RABEP1: variants seen among roughly 807,000 people sequenced by gnomAD.
The protein encoded by RABEP1 is rabaptin, RAB GTPase binding effector protein 1.
RABEP1 carries 51 observed loss-of-function variants against 123.4 expected under a neutral mutation model. That is an observed-to-expected ratio of 0.41 (90% CI 0.33 to 0.52). The LOEUF (loss-of-function observed/expected upper bound fraction) is 0.52. Ranked by LOEUF, RABEP1 falls within the 20% of genes least tolerant of loss-of-function variation. RABEP1 has a pLI of 0.16. For missense variants in RABEP1, 888 were observed against 996.3 expected (o/e 0.89, Z 1.46); for synonymous variants, 347 against 355.2 (o/e 0.98, Z 0.26).
intron 9 of RABEP1, among the ~76,000 whole-genome samples, 187 bp from the exon 10 acceptor site, chr17:5,362,725 A>G (rs751342423): frequency 2.6e-5 from 4 of 152,130 alleles, no homozygotes; most frequent in Non-Finnish European, 4.4e-5. Context: ...GTGTCCTATC[A>G]TACTTGTACT....
At chr17:5,310,438 G>T (rs1236947243) in intron 2 of RABEP1, among the ~76,000 whole-genome samples, 1 of 150,966 alleles carries the variant, frequency 6.6e-6, no homozygotes, top group African/African-American at 2.4e-5. Context: ...CCCTGCCCCA[G>T]CCTCCCGAGT....
intron 6 of RABEP1, among the ~76,000 whole-genome samples, chr17:5,347,707 ATAT>A (rs956423383): frequency 1.3e-5 from 2 of 152,210 alleles, no homozygotes; most frequent in African/African-American, 2.4e-5. Context: ...CCCCACTAAA[ATAT>A]TATGAAAATA....
At chr17:5,312,808 A>G (rs2075257530) in intron 2 of RABEP1, among the ~76,000 whole-genome samples, 1 of 152,204 alleles carries the variant, frequency 6.6e-6, no homozygotes, top group Non-Finnish European at 1.5e-5. Flanking sequence ...GTGTGTCACA[A>G]GAAATAGTCC....
chr17:5,328,941 A>T (rs1597360144), intron 2 of RABEP1, among the ~76,000 whole-genome samples: 1 of 151,986 alleles, frequency 6.6e-6, no homozygotes, highest in Middle Eastern at 3.4e-3. Flanking sequence ...TCAAAAAAAA[A>T]AAAATAAATT....
chr17:5,381,939 T>TGGAGCTCTTCTAGGTCC (rs2144739792), intron 17 of RABEP1, among the ~76,000 whole-genome samples: 1 of 152,318 alleles, frequency 6.6e-6, no homozygotes, highest in East Asian at 1.9e-4. Flanking sequence ...GTCCCCTCTG[T>TGGAGCTCTTCTAGGTCC]GGAGCTCTTC....
chr17:5,345,280 G>C (rs1907977899), intron 5 of RABEP1, among the ~76,000 whole-genome samples: 1 of 152,076 alleles, frequency 6.6e-6, no homozygotes, highest in African/African-American at 2.4e-5. Flanking sequence ...CTCCTGCATA[G>C]ATCCTGATAC....
At chr17:5,295,937 G>C (rs2075079621) in intron 1 of RABEP1, among the ~76,000 whole-genome samples, 1 of 151,972 alleles carries the variant, frequency 6.6e-6, no homozygotes, top group African/African-American at 2.4e-5. Context: ...ACATTTGTTG[G>C]GTTCTCTACT....
chr17:5,373,851 T>A (rs1910750636), intron 13 of RABEP1, among the ~76,000 whole-genome samples: 6 of 152,196 alleles, frequency 3.9e-5, no homozygotes, highest in Admixed American at 3.9e-4. Context: ...GACTTTCCTA[T>A]GAATAGAATC....
intron 2 of RABEP1, among the ~76,000 whole-genome samples, chr17:5,313,788 C>G (rs905046223): frequency 6.6e-6 from 1 of 152,172 alleles, no homozygotes; most frequent in Non-Finnish European, 1.5e-5. Context: ...AAAAAAAATA[C>G]TGTGATCCTT....
intron 1 of RABEP1, among the ~76,000 whole-genome samples, chr17:5,306,541 T>C (rs1399978875): frequency 6.6e-6 from 1 of 151,812 alleles, no homozygotes; most frequent in East Asian, 1.9e-4. Context: ...GGCAGAAGAA[T>C]TGCTTGAGTC....
chr17:5,327,199 T>A (rs563340092), intron 2 of RABEP1, among the ~76,000 whole-genome samples: 1 of 152,146 alleles, frequency 6.6e-6, no homozygotes, highest in East Asian at 1.9e-4. Flanking sequence ...AATACAAAAA[T>A]TAGCAGGGTG....
At position 5,343,670 on chromosome 17, in the gene RABEP1, CTTT is replaced by C. The variant is rs753410845; in HGVS notation, c.649-3099_649-3097del. Among the ~76,000 whole-genome samples, 113 of 99,928 alleles carry C rather than the reference CTTT, an allele frequency of 1.1e-3. No individual in the cohort carries two copies. The East Asian group carries it at 0.013, about 11-fold the overall frequency. The allele number at this position is 99,928 out of a possible 152,430, so 65.6% of individuals were successfully genotyped here. A position where few individuals can be genotyped will look rare whatever the true frequency, so the allele number is the denominator to read the frequency against. ...AAAAAGATTTCTTTCTTTCTTTTCT[CTTT>C]TTTTTTTTTTTTTTTTTTTTGAGTC... On this transcript the variant is annotated intron_variant, in intron 5 of 17. Coordinates refer to ENST00000537505, the MANE Select transcript of RABEP1 (RefSeq NM_004703.6).
Position 5,383,527 on chromosome 17 carries a change from T to C in RABEP1, c.*304T>C. ...CCTTGCCTGCTTTCTCCAAGACAGA[T>C]TTTCGGAACACATTTCCCTACCCTA... On this transcript the variant is annotated 3_prime_UTR_variant, in exon 18 of 18. Transcript: ENST00000537505. 1 of 365,008 alleles carries C rather than the reference T, an allele frequency of 2.7e-6. No homozygotes were observed. 22.6% of individuals were successfully genotyped at this position (365,008 alleles called of 1,614,324 possible). A position where few individuals can be genotyped will look rare whatever the true frequency, so the allele number is the denominator to read the frequency against.
chr17:5,318,652 C>T (rs532633427), intron 2 of RABEP1, among the ~76,000 whole-genome samples: 2 of 152,316 alleles, frequency 1.3e-5, no homozygotes, highest in South Asian at 4.1e-4. Context: ...CTCTCTGAGT[C>T]TCTATTCTCT....
chr17:5,345,176 T>C (rs766883614), intron 5 of RABEP1, among the ~76,000 whole-genome samples: 3 of 151,044 alleles, frequency 2.0e-5, no homozygotes, highest in Non-Finnish European at 4.4e-5. Context: ...TACTGGTGTA[T>C]GTGAAACTCT....
rs1911733454 is a variant in RABEP1, at chr17:5,384,032, C to CTAGTT, written c.*810_*814dup. The CTAGTT allele has an allele frequency of 4.6e-6, 1 of 218,122 alleles. No homozygotes were observed. Among genetic ancestry groups the CTAGTT allele is most frequent in the Admixed American group, 5.8e-5 (1 of 17,258 alleles). The allele number at this position is 218,122 out of a possible 1,614,324, so 13.5% of individuals were successfully genotyped here. A position where few individuals can be genotyped will look rare whatever the true frequency, so the allele number is the denominator to read the frequency against. On this transcript the variant is annotated 3_prime_UTR_variant, in exon 18 of 18. Transcript: ENST00000537505. ...ATCTACTCTTTTGAAGTGTTTTAGT[C>CTAGTT]TAGTTATTGGATCAGTGAAAAACAT... is the stretch of plus-strand genomic sequence containing the variant.
intron 8 of RABEP1, among the ~76,000 whole-genome samples, chr17:5,358,413 G>A (rs1019763587): frequency 5.3e-5 from 8 of 151,980 alleles, no homozygotes; most frequent in African/African-American, 1.9e-4. Context: ...GCTCACAAGT[G>A]TAATCGCAGC....
In RABEP1 at chr17:5,381,884, C is replaced by G. The variant is rs191465878; in HGVS notation, c.2487+379C>G. On this transcript the variant is annotated intron_variant, in intron 17 of 17. Coordinates refer to ENST00000537505, the MANE Select transcript of RABEP1 (RefSeq NM_004703.6). ...TGTTCTGTCTGGTAAGCATCCTCAT[C>G]TCATCCCCTCCTGACTCCTTTCTTT... Among the ~76,000 whole-genome samples the G allele has an allele frequency of 2.0e-3, 309 of 152,138 alleles. 2 individuals carry two copies. Among genetic ancestry groups the G allele is most frequent in the African/African-American group, 7.2e-3 (299 of 41,408 alleles).
chr17:5,350,488 C>T lies in RABEP1; in HGVS notation c.822C>T (p.Asn274=), dbSNP rs1352759383. The T allele has an allele frequency of 6.2e-7, 1 of 1,613,964 alleles. No individual in the cohort carries two copies. Among genetic ancestry groups the T allele is most frequent in the East Asian group, 2.2e-5 (1 of 44,868 alleles). ...HLLEQERQQH[N]QLKHTWQKAN... ...TGGAGCAAGAGCGACAACAACACAACCAGTTAAAACATACGTGGCAGAAGG... is the reference window on the plus strand; with the variant it reads ...TGGAGCAAGAGCGACAACAACACAATCAGTTAAAACATACGTGGCAGAAGG... Residue 274 remains asparagine, a synonymous_variant, in exon 7 of 18, where the codon AAC becomes AAT. Coordinates refer to ENST00000537505, the MANE Select transcript of RABEP1 (RefSeq NM_004703.6).
Sources: gnomAD v4.1 joint callset for allele counts (sites outside exome capture counted in the v4.1 genomes callset) on GRCh38, gnomAD v4.1.1 for gene constraint, MANE v1.5 for transcripts, NCBI Gene and HGNC (gene_info 2026-07-23, HGNC 2026-07-21) for gene names.